Variants in MARCHF10 observed in about 807,000 individuals in gnomAD.
MARCHF10 encodes probable E3 ubiquitin-protein ligase MARCHF10.
In MARCHF10, 64 loss-of-function variants were observed where a neutral mutation model predicts 76.2. That is an observed-to-expected ratio of 0.84 (90% CI 0.69 to 1.03). The LOEUF is 1.03. Among genes scored for constraint, MARCHF10 ranks in the 50% least tolerant of loss-of-function variants. The pLI, the probability that MARCHF10 is intolerant of heterozygous loss-of-function variation, is 0.00. For synonymous variants in MARCHF10, 340 were observed against 357.5 expected, an observed-to-expected ratio of 0.95 and a Z score of 0.55; for missense variants, 875 against 958.0, an observed-to-expected ratio of 0.91 and a Z score of 1.14.
intron 4 of MARCHF10, among the ~76,000 whole-genome samples, chr17:62,759,511 C>T (rs1006635919): frequency 2.0e-5 from 3 of 152,182 alleles, no homozygotes; most frequent in Admixed American, 2.0e-4. Context: ...CGGGGTCTTG[C>T]TCTGTTGCCC....
chr17:62,713,509 G>C (rs556985772), intron 8 of MARCHF10, among the ~76,000 whole-genome samples: 1 of 152,186 alleles, frequency 6.6e-6, no homozygotes, highest in Admixed American at 6.5e-5. Flanking sequence ...CATCAATCTC[G>C]CCGGCTCGGT....
intron 4 of MARCHF10, among the ~76,000 whole-genome samples, chr17:62,747,451 C>T (rs1361097454): frequency 6.6e-6 from 1 of 152,156 alleles, no homozygotes; most frequent in Non-Finnish European, 1.5e-5. Context: ...TTGTACTAGG[C>T]CTGGCAGTGA....
rs1402374966 is a variant in MARCHF10 at position 62,736,748 on chromosome 17, A to C, written c.1120T>G (p.Ser374Ala). ...CTATCAGGCAGCCCGGGGTCTTGGG[A>C]CAACCTTTGCCCAGCAGAAGGCCGC... ...TERPSAGQRL[S>A]QDPGLPDRES... The change falls in exon 6 of 11, where the codon TCC becomes GCC. Residue 374 changes from serine to alanine, a missense_variant. Ser to Ala is a moderately conservative substitution (Grantham distance 99). Transcript: ENST00000311269. 1.2e-6 allele frequency: 2 copies of C among 1,613,972 alleles called. No individual in the cohort carries two copies. Among genetic ancestry groups the C allele is most frequent in the Non-Finnish European group, 1.7e-6 (2 of 1,180,040 alleles).
intron 6 of MARCHF10, among the ~76,000 whole-genome samples, chr17:62,725,522 C>T (rs1294647351): frequency 6.6e-6 from 1 of 152,202 alleles, no homozygotes; most frequent in Non-Finnish European, 1.5e-5. Context: ...GCCTTGGCCT[C>T]CCAAAGTGCT....
chr17:62,777,918 G>C (rs1242965229), intron 3 of MARCHF10, among the ~76,000 whole-genome samples: 1 of 152,038 alleles, frequency 6.6e-6, no homozygotes, highest in Non-Finnish European at 1.5e-5. Flanking sequence ...CCTGGGCAAA[G>C]CCAACAACCC....
At chr17:62,715,242 C>A (rs562731812) in intron 8 of MARCHF10, among the ~76,000 whole-genome samples, 1 of 152,212 alleles carries the variant, frequency 6.6e-6, no homozygotes, top group Admixed American at 6.5e-5. Flanking sequence ...TGGATGTGCT[C>A]TGGTTGGATG....
intron 1 of MARCHF10, among the ~76,000 whole-genome samples, chr17:62,802,243 G>A (rs553141231): frequency 1.3e-5 from 2 of 152,140 alleles, no homozygotes; most frequent in Admixed American, 6.5e-5. Flanking sequence ...TTTCTGAGAC[G>A]GAGTTTTGCA....
chr17:62,760,681 C>G (rs553121891), intron 3 of MARCHF10, among the ~76,000 whole-genome samples: 1 of 152,192 alleles, frequency 6.6e-6, no homozygotes, highest in Non-Finnish European at 1.5e-5. Flanking sequence ...CTTACACCCA[C>G]CAAAGAAAGG....
rs539563069 is a variant in MARCHF10 at position 62,802,582 on chromosome 17, G to T, written c.-17-830C>A. On this transcript the variant is annotated intron_variant, in intron 1 of 10. Transcript: ENST00000311269. ...AGCAAGTGAATCCTAACTATGATAG[G>T]CCCTCTGAAGCAGAACTATGCGGCT... is the stretch of plus-strand genomic sequence containing the variant. Among the ~76,000 whole-genome samples the T allele has an allele frequency of 3.9e-5, 6 of 152,168 alleles. No individual in the cohort carries two copies. In the South Asian group the frequency reaches 8.3e-4, roughly 21 times the overall value.
chr17:62,746,073 G>T (rs999966092), intron 4 of MARCHF10, among the ~76,000 whole-genome samples: 1 of 152,244 alleles, frequency 6.6e-6, no homozygotes, highest in Non-Finnish European at 1.5e-5. Flanking sequence ...GTTCCAGAGT[G>T]TAAGTTGTAG....
intron 8 of MARCHF10, among the ~76,000 whole-genome samples, chr17:62,713,888 G>A (rs1451746476): frequency 1.3e-5 from 2 of 152,142 alleles, no homozygotes; most frequent in Non-Finnish European, 2.9e-5. Flanking sequence ...AAAGGGCTCC[G>A]GAGATCTCAG....
chr17:62,759,929 A>G lies in MARCHF10; in HGVS notation c.288T>C (p.Leu96=), dbSNP rs1052855835. Residue 96 remains leucine (L), a synonymous_variant, in exon 4 of 11, where the codon CTT becomes CTC. Transcript: ENST00000311269. The stretch of plus-strand genomic sequence containing the variant: ...TGACTGATGTTTGGTCAATTGCTGG[A>G]AGTTTGGAGTCACACTTAAATGCAG... ...KISAFKCDSK[L]PAIDQTSVKQ... is the part of the protein sequence containing the mutation. The G allele has an allele frequency of 6.2e-7, 1 of 1,613,914 alleles. No individual in the cohort carries two copies. The highest frequency in any genetic ancestry group is 8.5e-7 in the Non-Finnish European group (1 of 1,180,020).
intron 4 of MARCHF10, among the ~76,000 whole-genome samples, chr17:62,745,003 C>CA (rs371677963): frequency 0.037 from 3,620 of 97,924 alleles, 319 homozygotes; most frequent in African/African-American, 0.12. Flanking sequence ...GACTCCATCT[C>CA]AAAAAAAAAA....
At chr17:62,705,125 T>C in intron 10 of MARCHF10, 1 of 1,122,508 alleles carries the variant, frequency 8.9e-7, no homozygotes. Flanking sequence ...GTGAATGTGG[T>C]CCCTTCAGGT....
At position 62,712,898 on chromosome 17, in the gene MARCHF10, C is replaced by T. The variant is rs1270554241; in HGVS notation, c.2215-1554G>A. On this transcript the variant is annotated intron_variant, in intron 8 of 10. Transcript: ENST00000311269. This position sits in a 1 kb window ranked among gnomAD's most constrained non-coding sequence, Gnocchi z 4.2. ...TAGCTGGGATTACAGGTGTGCACCA[C>T]CACGCCCAGCTAATTTTTGTATTTT... Among the ~76,000 whole-genome samples the T allele has an allele frequency of 6.6e-6, 1 of 152,146 alleles. No homozygotes were observed. Among genetic ancestry groups the T allele is most frequent in the African/African-American group, 2.4e-5 (1 of 41,432 alleles).
rs1235222410 is a variant in MARCHF10, at chr17:62,801,651, A to C, written c.85T>G (p.Tyr29Asp). Reference sequence around the variant, plus strand: ...TTCTTGCTTTCTGCAATTACCTGATACTCAGAGTCCACCTTATGCTGCATG... The same window carrying C: ...TTCTTGCTTTCTGCAATTACCTGATCCTCAGAGTCCACCTTATGCTGCATG... ...RDMQHKVDSE[Y>D]QACLRRQEYR... Residue 29 changes from tyrosine (Y) to aspartate (D), a missense_variant, in exon 2 of 11, where the codon TAT (tyrosine) becomes GAT (aspartate). Physicochemically the swap from Tyr to Asp is radical, Grantham distance 160. Transcript: ENST00000311269. 1 of 1,613,686 alleles carries C rather than the reference A, an allele frequency of 6.2e-7. No individual in the cohort carries two copies. Among genetic ancestry groups the C allele is most frequent in the Non-Finnish European group, 8.5e-7 (1 of 1,179,770 alleles).
chr17:62,776,812 C>T (rs2092562536), intron 3 of MARCHF10, among the ~76,000 whole-genome samples: 1 of 152,176 alleles, frequency 6.6e-6, no homozygotes, highest in Admixed American at 6.5e-5. Flanking sequence ...AGAGCTACAA[C>T]CCTGCCATTC....
chr17:62,774,868 A>T (rs1042882272), intron 3 of MARCHF10, among the ~76,000 whole-genome samples: 7 of 152,024 alleles, frequency 4.6e-5, no homozygotes, highest in Admixed American at 2.6e-4. Flanking sequence ...AGCCTGGCCA[A>T]GATGGTGAAC....
intron 2 of MARCHF10, among the ~76,000 whole-genome samples, chr17:62,788,956 G>T (rs1453276100): frequency 1.3e-5 from 2 of 151,116 alleles, no homozygotes; most frequent in Admixed American, 1.3e-4. Context: ...CCAGCTACTC[G>T]GGAGGCTGAG....
Sources: allele counts gnomAD v4.1 joint callset (sites outside exome capture counted in the v4.1 genomes callset), GRCh38; gene constraint gnomAD v4.1.1; non-coding constraint Gnocchi (gnomAD v3.1); transcripts MANE v1.5; gene names NCBI Gene and HGNC (gene_info 2026-07-23, HGNC 2026-07-21).